Variants in KLHL29 observed in about 807,000 individuals in gnomAD.
KLHL29 encodes the protein kelch-like protein 29.
KLHL29 carries 21 observed loss-of-function variants against 80.4 expected under a neutral mutation model. The observed-to-expected ratio is 0.26, with a 90% CI of 0.19 to 0.38. KLHL29 has a LOEUF of 0.38. Among genes scored for constraint, KLHL29 ranks in the 10% least tolerant of loss-of-function variants. The probability of loss-of-function intolerance (pLI) is 1.00; values close to 1 mark genes in which losing one functional copy is unlikely to be tolerated. For synonymous variants in KLHL29, 511 were observed against 526.8 expected (o/e 0.97, Z 0.41); for missense variants, 867 against 1,223.9 (o/e 0.71, Z 4.35).
At chr2:23,421,115 T>C (rs1434916847) in intron 1 of KLHL29, among the ~76,000 whole-genome samples, 2 of 152,170 alleles carry the variant, frequency 1.3e-5, no homozygotes, top group Non-Finnish European at 2.9e-5. Context: ...ACTCGCTCAG[T>C]AGTGTAGACA....
At chr2:23,588,782 G>A (rs2103514473) in intron 3 of KLHL29, among the ~76,000 whole-genome samples, 1 of 152,334 alleles carries the variant, frequency 6.6e-6, no homozygotes, top group East Asian at 1.9e-4. Flanking sequence ...ACAGAGAAGA[G>A]GCAGAGTGAA....
At chr2:23,616,852 G>C (rs1332488525) in intron 3 of KLHL29, 1 of 152,212 alleles carries the variant, frequency 6.6e-6, no homozygotes, top group Non-Finnish European at 1.5e-5. Flanking sequence ...CTCAGACCTC[G>C]GCGGGCAGCG....
intron 1 of KLHL29, among the ~76,000 whole-genome samples, chr2:23,407,318 AT>A (rs1003445761): frequency 2.0e-5 from 3 of 150,668 alleles, no homozygotes; most frequent in Admixed American, 6.6e-5. Context: ...TCCTATTATA[AT>A]TTTTTTTTAA....
intron 1 of KLHL29, among the ~76,000 whole-genome samples, chr2:23,437,487 A>T (rs1006820524): frequency 2.6e-5 from 4 of 152,228 alleles, no homozygotes; most frequent in African/African-American, 9.6e-5. Flanking sequence ...ATTAGTAGAC[A>T]ACAGGTTCTG....
At chr2:23,618,720 C>A (rs1669086452) in intron 3 of KLHL29, among the ~76,000 whole-genome samples, 1 of 152,146 alleles carries the variant, frequency 6.6e-6, no homozygotes, top group South Asian at 2.1e-4. Flanking sequence ...TATATAATTT[C>A]TATGCTATTA....
intron 2 of KLHL29, among the ~76,000 whole-genome samples, chr2:23,507,972 T>C (rs1665652196): frequency 6.6e-6 from 1 of 152,206 alleles, no homozygotes; most frequent in African/African-American, 2.4e-5. Flanking sequence ...ACACTCAGAC[T>C]GGAAAATACA....
At chr2:23,515,635 C>G (rs1665897872) in intron 2 of KLHL29, among the ~76,000 whole-genome samples, 1 of 152,222 alleles carries the variant, frequency 6.6e-6, no homozygotes, top group African/African-American at 2.4e-5. Flanking sequence ...TCCCCCATGC[C>G]CAGCACAATT....
Position 23,696,072 on chromosome 2 carries a change from G to A in KLHL29, c.1863G>A (p.Leu621=), listed in dbSNP as rs1391861851. ...ACAAGTGGTACCCCTTGGCCTCGCT[G>A]CCCTTCTATGACCGCGAGTTCTTCA... ...QNNKWYPLAS[L]PFYDREFFSV... The change falls in exon 10 of 14, where the codon CTG becomes CTA. Residue 621 remains leucine (L), a synonymous_variant. Coordinates refer to ENST00000486442, the MANE Select transcript of KLHL29 (RefSeq NM_052920.2). This position sits in a 1 kb window ranked among gnomAD's most constrained non-coding sequence, Gnocchi z 5.5. The A allele has an allele frequency of 1.3e-6, 2 of 1,551,820 alleles. No homozygotes were observed. The highest frequency in any genetic ancestry group is 1.7e-6 in the Non-Finnish European group (2 of 1,147,006).
At chr2:23,401,885 A>G (rs2577747) in intron 1 of KLHL29, among the ~76,000 whole-genome samples, 10,320 of 152,270 alleles carry the variant, frequency 0.068, 662 homozygotes, top group African/African-American at 0.17. Flanking sequence ...GCCTGATGCA[A>G]GTTCTCGAGG....
chr2:23,601,191 G>A (rs943631074), intron 3 of KLHL29, among the ~76,000 whole-genome samples: 1 of 152,160 alleles, frequency 6.6e-6, no homozygotes, highest in Admixed American at 6.5e-5. Context: ...GCACAAAAAG[G>A]CGTCGTCAAA....
chr2:23,526,281 C>T (rs28445516), intron 2 of KLHL29, among the ~76,000 whole-genome samples: 75,291 of 150,906 alleles, frequency 0.5, 19,234 homozygotes, highest in East Asian at 0.58. Flanking sequence ...TCGGAGGAAG[C>T]GTCACAGGGG....
chr2:23,631,942 A>G (rs1274036823), intron 3 of KLHL29, among the ~76,000 whole-genome samples: 2 of 152,178 alleles, frequency 1.3e-5, no homozygotes, highest in African/African-American at 2.4e-5. Context: ...TTTGAACGCA[A>G]AGACTTTCAT....
At chr2:23,666,392 GCAGTGTGCCCAGC>G in intron 5 of KLHL29, among the ~76,000 whole-genome samples, 1 of 152,006 alleles carries the variant, frequency 6.6e-6, no homozygotes. Context: ...AGCAACTAGG[GCAGTGTGCCCAGC>G]CTCGGCTTGG....
rs377526221 is a variant in KLHL29 at position 23,423,071 on chromosome 2, TGGAGCCGTGGCGG to T, written c.-154+37299_-154+37311del. On this transcript the variant is annotated intron_variant, in intron 1 of 13. Transcript: ENST00000486442. ...TCGGGGCCTCAGGGCCTGGCTGTCATGGAGCCGTGGCGGGGAGCCGCAGGCCTCAGCGTGGACA... is the reference window on the plus strand; with the variant it reads ...TCGGGGCCTCAGGGCCTGGCTGTCATGGAGCCGCAGGCCTCAGCGTGGACA... 1.6e-3 allele frequency among the ~76,000 whole-genome samples: 241 copies of T among 152,360 alleles called. 1 individual carries two copies. Among genetic ancestry groups the T allele is most frequent in the African/African-American group, 5.3e-3 (221 of 41,590 alleles).
intron 3 of KLHL29, among the ~76,000 whole-genome samples, chr2:23,636,319 C>T (rs889632197): frequency 6.6e-5 from 10 of 151,894 alleles, no homozygotes; most frequent in Non-Finnish European, 1.5e-5. Flanking sequence ...CATAAAATTC[C>T]TGAACTACAG....
At chr2:23,541,359 T>A (rs1299231018) in intron 2 of KLHL29, among the ~76,000 whole-genome samples, 3 of 152,216 alleles carry the variant, frequency 2.0e-5, no homozygotes, top group Non-Finnish European at 4.4e-5. Flanking sequence ...AGAACCGGGC[T>A]CCAGAACTCA....
At chr2:23,561,479 G>C (rs781719408) in intron 2 of KLHL29, among the ~76,000 whole-genome samples, 3 of 152,152 alleles carry the variant, frequency 2.0e-5, no homozygotes, top group Non-Finnish European at 4.4e-5. Flanking sequence ...TCATAGGGCT[G>C]TGATTATGAA....
At chr2:23,393,442 G>A (rs181229427) in intron 1 of KLHL29, among the ~76,000 whole-genome samples, 259 of 152,254 alleles carry the variant, frequency 1.7e-3, no homozygotes, top group Non-Finnish European at 3.2e-3. Flanking sequence ...TCTGTCTGGC[G>A]CTTCTGAGCA....
chr2:23,454,747 T>G (rs1233364901), intron 1 of KLHL29, among the ~76,000 whole-genome samples: 3 of 152,138 alleles, frequency 2.0e-5, no homozygotes, highest in African/African-American at 4.8e-5. Context: ...TTCTTGCGTT[T>G]TTTTCTGCAA....
Sources: gnomAD v4.1 joint callset for allele counts (sites outside exome capture counted in the v4.1 genomes callset) on GRCh38, gnomAD v4.1.1 for gene constraint, Gnocchi (gnomAD v3.1) non-coding constraint, MANE v1.5 for transcripts, NCBI Gene and HGNC (gene_info 2026-07-23, HGNC 2026-07-21) for gene names.